ABCC4: variants seen among roughly 807,000 people sequenced by gnomAD.
The protein encoded by ABCC4 is ATP binding cassette subfamily C member 4 (PEL blood group).
In ABCC4, 102 loss-of-function variants were observed where a neutral mutation model predicts 168.5. The observed-to-expected ratio is 0.61, with a 90% CI of 0.52 to 0.71. ABCC4 has a LOEUF of 0.71. Among genes scored for constraint, ABCC4 ranks in the 30% least tolerant of loss-of-function variants. The pLI is 0.00. For missense variants in ABCC4, 1,402 were observed against 1,605.8 expected, an observed-to-expected ratio of 0.87 and a Z score of 2.17; for synonymous variants, 617 against 590.7, an observed-to-expected ratio of 1.04 and a Z score of -0.65.
chr13:95,216,608 C>CA lies in ABCC4; in HGVS notation c.532-5828dup, dbSNP rs199711816. On this transcript the variant is annotated intron_variant, in intron 4 of 30. Coordinates refer to ENST00000645237, the MANE Select transcript of ABCC4 (RefSeq NM_005845.5). ...GCAAAGAATGTGTGCAGGAAATTCA[C>CA]AAAAAAAAAAAAAAAAAAAAAAAAC... 8.0e-3 allele frequency among the ~76,000 whole-genome samples: 1,003 copies of CA among 125,194 alleles called. 3 individuals carry two copies. Among genetic ancestry groups the CA allele is most frequent in the East Asian group, 0.014 (61 of 4,270 alleles). The allele number at this position is 125,194 out of a possible 152,430, so 82.1% of individuals were successfully genotyped here. A position where few individuals can be genotyped will look rare whatever the true frequency, so the allele number is the denominator to read the frequency against.
intron 26 of ABCC4, among the ~76,000 whole-genome samples, chr13:95,058,578 A>G (rs1325961971): frequency 2.3e-4 from 16 of 68,260 alleles, no homozygotes; most frequent in Admixed American, 1.6e-3. Context: ...AAAAAAAAAA[A>G]AAAAAAAAAA....
intron 1 of ABCC4, among the ~76,000 whole-genome samples, chr13:95,293,350 T>C (rs1233395738): frequency 1.3e-5 from 2 of 151,442 alleles, no homozygotes; most frequent in Non-Finnish European, 2.9e-5. Context: ...AGAGACTCCA[T>C]CTCAAAAAAC....
At chr13:95,026,808 G>A (rs570981969) in intron 30 of ABCC4, among the ~76,000 whole-genome samples, 4 of 152,032 alleles carry the variant, frequency 2.6e-5, no homozygotes, top group Non-Finnish European at 5.9e-5. Flanking sequence ...AGCATTGCTT[G>A]AGCCTGGGAG....
chr13:95,082,411 T>C (rs2034125880), intron 21 of ABCC4, among the ~76,000 whole-genome samples: 1 of 152,146 alleles, frequency 6.6e-6, no homozygotes, highest in Non-Finnish European at 1.5e-5. Context: ...AACTAGGAAA[T>C]TGAAGAGAGC....
At chr13:95,052,153 G>C (rs2032871391) in intron 27 of ABCC4, among the ~76,000 whole-genome samples, 1 of 151,768 alleles carries the variant, frequency 6.6e-6, no homozygotes, top group Admixed American at 6.6e-5. Context: ...GCTAATCTCT[G>C]TATTTTTAGT....
chr13:95,024,291 A>G (rs1388425403), intron 30 of ABCC4, among the ~76,000 whole-genome samples: 2 of 151,986 alleles, frequency 1.3e-5, no homozygotes, highest in Non-Finnish European at 2.9e-5. Flanking sequence ...ACAGCAGTTC[A>G]GAAGGACTGT....
chr13:95,178,129 T>C, intron 11 of ABCC4, 38 bp from the exon 12 acceptor site: 1 of 1,553,902 alleles, frequency 6.4e-7, no homozygotes, highest in Non-Finnish European at 8.9e-7. Flanking sequence ...AAAAAGAGAC[T>C]TAAAACATGT....
chr13:95,199,993 C>T (rs748316539), intron 8 of ABCC4, among the ~76,000 whole-genome samples: 10 of 152,180 alleles, frequency 6.6e-5, no homozygotes, highest in African/African-American at 9.6e-5. Flanking sequence ...GGCATCTCTA[C>T]CAAAGCACCT....
intron 1 of ABCC4, among the ~76,000 whole-genome samples, chr13:95,270,906 T>C (rs562498204): frequency 6.6e-6 from 1 of 152,224 alleles, no homozygotes; most frequent in South Asian, 2.1e-4. Context: ...CTATCCTGGT[T>C]AACATGGTGA....
At chr13:95,259,097 C>A (rs975076103) in intron 1 of ABCC4, among the ~76,000 whole-genome samples, 1 of 152,094 alleles carries the variant, frequency 6.6e-6, no homozygotes, top group African/African-American at 2.4e-5. Context: ...TTAGAAATGC[C>A]TTCCCCCGGC....
At chr13:95,026,604 T>C (rs983347119) in intron 30 of ABCC4, among the ~76,000 whole-genome samples, 3 of 151,964 alleles carry the variant, frequency 2.0e-5, no homozygotes, top group Non-Finnish European at 4.4e-5. Context: ...AGAAAAAAGA[T>C]CTGGCTGGGC....
Position 95,188,509 on chromosome 13 carries a change from A to G in ABCC4, c.1297T>C (p.Phe433Leu). 6.2e-7 allele frequency: 1 copy of G among 1,614,174 alleles called. No individual in the cohort carries two copies. Residue 433 changes from phenylalanine (F) to leucine (L), a missense_variant, in exon 10 of 31, where the codon TTT becomes CTT. By Grantham distance (22) the Phe-to-Leu change is conservative (BLOSUM62 0). This residue lies in a region of ABCC4 where 1,007 missense variants were observed against 1,127.3 expected (regional missense o/e 0.89). Coordinates refer to ENST00000645237, the MANE Select transcript of ABCC4 (RefSeq NM_005845.5). The part of the protein sequence containing the change: ...SETPTLQGLS[F>L]TVRPGELLAV... ...AACAATTCGCCAGGTCTGACAGTAA[A>G]GGAAAGGCCTTGTAGAGTTGGGGTC... is the stretch of plus-strand genomic sequence containing the variant.
chr13:95,066,569 C>A (rs2033554553), intron 25 of ABCC4, among the ~76,000 whole-genome samples: 1 of 152,142 alleles, frequency 6.6e-6, no homozygotes, highest in Non-Finnish European at 1.5e-5. Flanking sequence ...TTCAGGTATA[C>A]AATAAGCTAG....
At chr13:95,220,194 AG>A (rs2039275938) in intron 4 of ABCC4, among the ~76,000 whole-genome samples, 1 of 148,974 alleles carries the variant, frequency 6.7e-6, no homozygotes, top group Non-Finnish European at 1.5e-5. Context: ...GAATATTATA[AG>A]AAACAAATAA....
At chr13:95,048,784 T>C (rs1040874802) in intron 27 of ABCC4, among the ~76,000 whole-genome samples, 1 of 152,238 alleles carries the variant, frequency 6.6e-6, no homozygotes, top group Non-Finnish European at 1.5e-5. Flanking sequence ...GTCTTAATTG[T>C]AGATCCCAGT....
intron 22 of ABCC4, 70 bp downstream of exon 22, chr13:95,075,362 G>C (rs1337880069): frequency 1.2e-6 from 2 of 1,602,954 alleles, no homozygotes; most frequent in East Asian, 4.5e-5. Context: ...AAGCTCATCT[G>C]ACCAGGGAGG....
chr13:95,128,213 A>G (rs1463405541), intron 19 of ABCC4, among the ~76,000 whole-genome samples: 1 of 152,198 alleles, frequency 6.6e-6, no homozygotes, highest in Non-Finnish European at 1.5e-5. Context: ...TTCGATGCCA[A>G]TTAATCACAG....
At chr13:95,139,774 T>TC (rs1416013213) in intron 19 of ABCC4, among the ~76,000 whole-genome samples, 1 of 152,118 alleles carries the variant, frequency 6.6e-6, no homozygotes, top group African/African-American at 2.4e-5. Context: ...CCTGTATATC[T>TC]CCCCAAATTG....
At chr13:95,093,220 C>T (rs2034491561) in intron 20 of ABCC4, among the ~76,000 whole-genome samples, 2 of 152,112 alleles carry the variant, frequency 1.3e-5, no homozygotes, top group Non-Finnish European at 2.9e-5. Flanking sequence ...AATACCAAAA[C>T]GAGGAAAGGA....
Sources: gnomAD v4.1 joint callset for allele counts (sites outside exome capture counted in the v4.1 genomes callset) on GRCh38, gnomAD v4.1.1 for gene constraint, gnomAD v4.1.1 regional missense constraint, MANE v1.5 for transcripts, NCBI Gene and HGNC (gene_info 2026-07-23, HGNC 2026-07-21) for gene names.